Variants in CD8B2 observed in about 807,000 individuals in gnomAD.
CD8B2 encodes the protein T-cell surface glycoprotein CD8 beta-2 chain.
A neutral mutation model predicts 23.7 loss-of-function variants in CD8B2; 11 were observed. The ratio of observed to expected loss-of-function variants is 0.46; its 90% CI spans 0.29 to 0.77. The LOEUF (loss-of-function observed/expected upper bound fraction) is 0.77, where lower values mean the gene tolerates loss of function less well. Ranked by LOEUF, CD8B2 falls within the 30% of genes least tolerant of loss-of-function variation. CD8B2 has a pLI of 0.09. For missense variants in CD8B2, 197 were observed against 270.5 expected (o/e 0.73, Z 1.91); for synonymous variants, 90 against 109.3 (o/e 0.82, Z 1.10).
downstream of CD8B2, among the ~76,000 whole-genome samples, chr2:106,513,050 A>T (rs1048105801): frequency 6.6e-6 from 1 of 152,030 alleles, no homozygotes; most frequent in Non-Finnish European, 1.5e-5. Context: ...TTAGGCCCCC[A>T]CAAGCTGAGA....
intron 5 of CD8B2, among the ~76,000 whole-genome samples, chr2:106,527,086 T>C (rs935942494): frequency 6.6e-6 from 1 of 152,248 alleles, no homozygotes; most frequent in Non-Finnish European, 1.5e-5. Flanking sequence ...CTTGGATATA[T>C]ACCTAGAAAA....
intron 5 of CD8B2, among the ~76,000 whole-genome samples, chr2:106,519,402 G>A (rs569726359): frequency 6.6e-6 from 1 of 152,268 alleles, no homozygotes; most frequent in African/African-American, 2.4e-5. Context: ...CTCAAACATT[G>A]GCCAGTTATT....
rs1388295450 is a variant in CD8B2, at chr2:106,510,572, T to A, written c.*3632T>A. The A allele has an allele frequency of 1.3e-5, 2 of 151,960 alleles. No homozygotes were observed. The highest frequency in any genetic ancestry group is 1.9e-4 in the East Asian group (1 of 5,170). 9.4% of individuals were successfully genotyped at this position (151,960 alleles called of 1,614,324 possible). ...AGCAAGACCTCGACTCTACAAAAAA[T>A]TTTTAAATTTTTTTCTGGGCATGGT... is the stretch of plus-strand genomic sequence containing the variant. On this transcript the variant is annotated 3_prime_UTR_variant, in exon 6 of 6. Coordinates refer to ENST00000643224, the MANE Select transcript of CD8B2 (RefSeq NM_001349727.2).
chr2:106,519,514 C>G (rs1679787864), intron 5 of CD8B2, among the ~76,000 whole-genome samples: 1 of 152,180 alleles, frequency 6.6e-6, no homozygotes, highest in African/African-American at 2.4e-5. Context: ...GTGAATGTGG[C>G]CTGATGGAGA....
chr2:106,524,638 T>C (rs1218117676), intron 5 of CD8B2, among the ~76,000 whole-genome samples: 2 of 152,208 alleles, frequency 1.3e-5, no homozygotes, highest in South Asian at 2.1e-4. Flanking sequence ...GTGCACATTA[T>C]GGGTCTTAAA....
intron 5 of CD8B2, among the ~76,000 whole-genome samples, chr2:106,542,328 A>G (rs909384496): frequency 7.2e-5 from 11 of 152,230 alleles, no homozygotes. Flanking sequence ...TTGGAAACTA[A>G]AAGAGTGACT....
intron 4 of CD8B2, among the ~76,000 whole-genome samples, chr2:106,502,953 A>G (rs1679440110): frequency 6.6e-6 from 1 of 151,784 alleles, no homozygotes; most frequent in South Asian, 2.1e-4. Context: ...GTTGAGACCA[A>G]AGCCCAGTGT....
chr2:106,497,431 C>G (rs543439686), intron 3 of CD8B2, among the ~76,000 whole-genome samples: 1 of 152,208 alleles, frequency 6.6e-6, no homozygotes, highest in Non-Finnish European at 1.5e-5. Context: ...CACACAGACA[C>G]ACATGCCCAT....
downstream of CD8B2, among the ~76,000 whole-genome samples, chr2:106,516,076 C>T (rs571916797): frequency 2.0e-5 from 3 of 152,180 alleles, no homozygotes; most frequent in Non-Finnish European, 2.9e-5. Flanking sequence ...GTAATCCACC[C>T]GCCTTGGCCT....
intron 5 of CD8B2, among the ~76,000 whole-genome samples, chr2:106,536,030 C>CTTTTTTTTTT (rs869103310): frequency 3.2e-5 from 4 of 123,888 alleles, no homozygotes; most frequent in African/African-American, 1.2e-4. Context: ...GCCACACACA[C>CTTTTTTTTTT]TTTTTTTTTT....
intron 3 of CD8B2, among the ~76,000 whole-genome samples, chr2:106,500,440 A>C (rs1301324197): frequency 1.3e-5 from 2 of 150,290 alleles, no homozygotes; most frequent in Non-Finnish European, 3.0e-5. Flanking sequence ...AATCGCTTGA[A>C]CCCAGGAGGC....
chr2:106,504,726 G>A (rs577115285), intron 5 of CD8B2, among the ~76,000 whole-genome samples: 90 of 152,244 alleles, frequency 5.9e-4, no homozygotes, highest in African/African-American at 2.1e-3. Flanking sequence ...GAGCAATCAG[G>A]CTTTGCATGC....
rs1197589194 is a variant in CD8B2 at position 106,490,889 on chromosome 2, C to T, written c.59C>T (p.Ser20Leu). The change falls in exon 2 of 6, where the codon TCA becomes TTA. Residue 20 changes from serine to leucine, a missense_variant. By Grantham distance (145) the Ser-to-Leu change is moderately radical. Transcript: ENST00000643224. Reference protein sequence around the residue: ...AAQLTVLHGNSVLQQTPAYIK... With the variant: ...AAQLTVLHGNLVLQQTPAYIK... ...CTTTTCCTAGTTCTCCATGGCAACTCAGTCCTCCAGCAGACCCCTGCATAC... is the reference window on the plus strand; with the variant it reads ...CTTTTCCTAGTTCTCCATGGCAACTTAGTCCTCCAGCAGACCCCTGCATAC... The T allele has an allele frequency of 5.7e-6, 9 of 1,577,870 alleles. No individual in the cohort carries two copies. The highest frequency in any genetic ancestry group is 3.6e-5 in the Admixed American group (2 of 56,000).
chr2:106,535,846 A>G (rs190988778), intron 5 of CD8B2, among the ~76,000 whole-genome samples: 1 of 152,234 alleles, frequency 6.6e-6, no homozygotes, highest in African/African-American at 2.4e-5. Flanking sequence ...CAACTTATTA[A>G]AAAGAAAAAA....
At chr2:106,533,868 G>C (rs1012112871) in intron 5 of CD8B2, among the ~76,000 whole-genome samples, 1 of 152,166 alleles carries the variant, frequency 6.6e-6, no homozygotes, top group African/African-American at 2.4e-5. Flanking sequence ...GCAGCACTGG[G>C]AAGTTTGCCA....
Position 106,510,719 on chromosome 2 carries a change from C to G in CD8B2, c.*3779C>G, listed in dbSNP as rs4452136. On this transcript the variant is annotated 3_prime_UTR_variant, in exon 6 of 6. Coordinates refer to ENST00000643224, the MANE Select transcript of CD8B2 (RefSeq NM_001349727.2). ...TGCACTCCAGCCTGGGCAACACAGACAGACCTTGTCTCAAAAATAAATTTT... is the reference window on the plus strand; with the variant it reads ...TGCACTCCAGCCTGGGCAACACAGAGAGACCTTGTCTCAAAAATAAATTTT... 0.97 allele frequency: 147,195 copies of G among 152,232 alleles called. 71,341 individuals carry two copies. Among genetic ancestry groups the G allele is most frequent in the East Asian group, 1 (5,174 of 5,174 alleles). The allele number at this position is 152,232 out of a possible 1,614,324, so 9.4% of individuals were successfully genotyped here.
At chr2:106,540,843 G>A (rs1183394988) in intron 5 of CD8B2, among the ~76,000 whole-genome samples, 2 of 152,262 alleles carry the variant, frequency 1.3e-5, no homozygotes, top group African/African-American at 2.4e-5. Flanking sequence ...GATTACAGGC[G>A]CAAGCCACTG....
chr2:106,532,299 TC>T, intron 5 of CD8B2, among the ~76,000 whole-genome samples: 1 of 152,314 alleles, frequency 6.6e-6, no homozygotes, highest in Middle Eastern at 3.4e-3. Flanking sequence ...AAGCCAATTG[TC>T]CAGTTCTGTA....
At chr2:106,515,710 C>A (rs2104565644), downstream of CD8B2, among the ~76,000 whole-genome samples, 1 of 152,268 alleles carries the variant, frequency 6.6e-6, no homozygotes, top group Non-Finnish European at 1.5e-5. Context: ...TCTCAGGAAT[C>A]TTTCTACACC....
Sources: allele counts gnomAD v4.1 joint callset (sites outside exome capture counted in the v4.1 genomes callset), GRCh38; gene constraint gnomAD v4.1.1; transcripts MANE v1.5; gene names NCBI Gene and HGNC (gene_info 2026-07-23, HGNC 2026-07-21).